The following FAT3 variants were observed in gnomAD, a reference collection of about 807,000 sequenced individuals.
FAT3 encodes FAT atypical cadherin 3.
FAT3 carries 95 observed loss-of-function variants against 310.2 expected under a neutral mutation model. The observed-to-expected ratio is 0.31, with a 90% CI of 0.26 to 0.36. The LOEUF (loss-of-function observed/expected upper bound fraction) is 0.36, where lower values mean the gene tolerates loss of function less well. Ranked by LOEUF, FAT3 falls within the 10% of genes least tolerant of loss-of-function variation. FAT3 has a pLI of 1.00. For synonymous variants in FAT3, 2,314 were observed against 2,192.9 expected (o/e 1.06, Z -1.54); for missense variants, 5,408 against 5,715.6 (o/e 0.95, Z 1.74).
intron 4 of FAT3, among the ~76,000 whole-genome samples, chr11:92,753,382 G>A (rs1945879523): frequency 6.6e-6 from 1 of 152,146 alleles, no homozygotes; most frequent in Admixed American, 6.5e-5. Flanking sequence ...AAAGATTCCA[G>A]TTATTTTAAG....
chr11:92,579,331 A>G (rs1420958380), intron 3 of FAT3, among the ~76,000 whole-genome samples: 1 of 152,104 alleles, frequency 6.6e-6, no homozygotes, highest in South Asian at 2.1e-4. Flanking sequence ...GGATAGAATG[A>G]AAAGAAATTG....
intron 3 of FAT3, among the ~76,000 whole-genome samples, chr11:92,621,147 A>AAG (rs1156335670): frequency 1.3e-5 from 2 of 152,320 alleles, no homozygotes; most frequent in African/African-American, 4.8e-5. Context: ...GCTGATCTTG[A>AAG]AAACTCCCTC....
At chr11:92,853,251 C>T (rs1018440983) in intron 19 of FAT3, among the ~76,000 whole-genome samples, 1 of 152,222 alleles carries the variant, frequency 6.6e-6, no homozygotes, top group Non-Finnish European at 1.5e-5. Context: ...CAGCTCCAGG[C>T]GCCAGCTCAG....
chr11:92,326,086 G>T (rs1375596007), intron 1 of FAT3, among the ~76,000 whole-genome samples: 1 of 152,204 alleles, frequency 6.6e-6, no homozygotes, highest in Admixed American at 6.5e-5. Flanking sequence ...CAGACAACCA[G>T]TACTGAACAC....
intron 1 of FAT3, among the ~76,000 whole-genome samples, chr11:92,232,094 A>C (rs1432761949): frequency 1.3e-5 from 2 of 152,176 alleles, no homozygotes; most frequent in East Asian, 3.9e-4. Flanking sequence ...TTCATGTGGT[A>C]CCGTCCCATG....
At chr11:92,405,844 T>C (rs1302865478) in intron 2 of FAT3, among the ~76,000 whole-genome samples, 1 of 152,194 alleles carries the variant, frequency 6.6e-6, no homozygotes, top group Non-Finnish European at 1.5e-5. Flanking sequence ...AGTTAGGGAA[T>C]GAGAATGGCT....
chr11:92,890,999 C>A lies in FAT3; in HGVS notation c.13656C>A (p.Asn4552Lys). The stretch of plus-strand genomic sequence containing the variant: ...CCTCATCCTCGGATGTGTCTGCCAA[C>A]TGCGGCTTTGACGATTCCGAAGTAG... ...RGTSSSDVSA[N>K]CGFDDSEVAM... The change falls in exon 28 of 28, where the codon AAC becomes AAA. Residue 4552 changes from asparagine to lysine, a missense_variant. Coordinates refer to ENST00000525166, the MANE Select transcript of FAT3 (RefSeq NM_001367949.2). 8.1e-6 allele frequency: 13 copies of A among 1,613,960 alleles called. No homozygotes were observed. The highest frequency in any genetic ancestry group is 1.1e-5 in the Non-Finnish European group (13 of 1,179,876).
At chr11:92,408,346 G>C (rs969126397) in intron 2 of FAT3, among the ~76,000 whole-genome samples, 1 of 152,118 alleles carries the variant, frequency 6.6e-6, no homozygotes, top group African/African-American at 2.4e-5. Flanking sequence ...AGTTTGGCAG[G>C]GGTGTAGGGA....
At chr11:92,850,303 G>A (rs928696616) in intron 19 of FAT3, among the ~76,000 whole-genome samples, 15 of 152,280 alleles carry the variant, frequency 9.9e-5, no homozygotes, top group African/African-American at 3.6e-4. Flanking sequence ...GTCCCACATT[G>A]CCAGGAGAGG....
intron 1 of FAT3, among the ~76,000 whole-genome samples, chr11:92,253,612 CT>C (rs1865211722): frequency 6.6e-6 from 1 of 152,052 alleles, no homozygotes. Context: ...TTTATTGGCT[CT>C]TTGGAAAGGA....
At chr11:92,745,318 G>A (rs977456704) in intron 4 of FAT3, among the ~76,000 whole-genome samples, 1 of 152,164 alleles carries the variant, frequency 6.6e-6, no homozygotes, top group South Asian at 2.1e-4. Context: ...CGGCTAATAT[G>A]ATGTCACATC....
intron 3 of FAT3, among the ~76,000 whole-genome samples, chr11:92,575,184 G>A (rs1938411549): frequency 6.6e-6 from 1 of 152,066 alleles, no homozygotes; most frequent in African/African-American, 2.4e-5. Flanking sequence ...ATAAAACTAA[G>A]TATAGGTGAT....
chr11:92,794,110 A>G (rs1161006712), intron 9 of FAT3, among the ~76,000 whole-genome samples: 1 of 152,172 alleles, frequency 6.6e-6, no homozygotes, highest in Non-Finnish European at 1.5e-5. Context: ...CTAGGTTTCC[A>G]TGGAATTTCC....
intron 1 of FAT3, among the ~76,000 whole-genome samples, chr11:92,254,852 C>T (rs1044184888): frequency 6.6e-6 from 1 of 152,010 alleles, no homozygotes; most frequent in Non-Finnish European, 1.5e-5. Flanking sequence ...GCTACAGGCA[C>T]CTGCCACCAT....
Position 92,380,111 on chromosome 11 carries a change from T to TGTGTC in FAT3, c.3292+24707_3292+24708insGTGTC, listed in dbSNP as rs1949454973. On this transcript the variant is annotated intron_variant, in intron 2 of 27. Coordinates refer to ENST00000525166, the MANE Select transcript of FAT3 (RefSeq NM_001367949.2). The stretch of plus-strand genomic sequence containing the variant: ...TGTGTGTGTGTGTGTGTGTGTGTGT[T>TGTGTC]CAATGAAGGATAATTGATGTTACGT... Among the ~76,000 whole-genome samples the TGTGTC allele has an allele frequency of 4.0e-5, 4 of 100,978 alleles. No homozygotes were observed. In the Admixed American group the frequency reaches 4.4e-4, roughly 11 times the overall value. 66.2% of individuals were successfully genotyped at this position (100,978 alleles called of 152,430 possible).
intron 24 of FAT3, among the ~76,000 whole-genome samples, chr11:92,884,510 A>AG (rs759351349): frequency 2.0e-5 from 3 of 152,178 alleles, no homozygotes; most frequent in Non-Finnish European, 2.9e-5. Flanking sequence ...GCTGTGTCCT[A>AG]GGTAGCCTAG....
chr11:92,571,934 A>T (rs554135324), intron 3 of FAT3, among the ~76,000 whole-genome samples: 45 of 152,322 alleles, frequency 3.0e-4, no homozygotes, highest in Middle Eastern at 3.4e-3. Flanking sequence ...ACATCAGAGA[A>T]CTTTAACATT....
chr11:92,576,867 A>G (rs1276700614), intron 3 of FAT3, among the ~76,000 whole-genome samples: 1 of 151,306 alleles, frequency 6.6e-6, no homozygotes, highest in Admixed American at 6.7e-5. Flanking sequence ...TTAAATATCA[A>G]TGTATAATCA....
chr11:92,631,459 T>C (rs746453458), intron 3 of FAT3, among the ~76,000 whole-genome samples: 1 of 151,964 alleles, frequency 6.6e-6, no homozygotes. Flanking sequence ...ATGGGGGTGG[T>C]TTTTCCCATG....
Sources: gnomAD v4.1 joint callset for allele counts (sites outside exome capture counted in the v4.1 genomes callset) on GRCh38, gnomAD v4.1.1 for gene constraint, MANE v1.5 for transcripts, NCBI Gene and HGNC (gene_info 2026-07-23, HGNC 2026-07-21) for gene names.